GRM7: variants seen among roughly 807,000 people sequenced by gnomAD.
GRM7 encodes the protein glutamate metabotropic receptor 7, also known as metabotropic glutamate receptor 7.
A neutral mutation model predicts 84.5 loss-of-function variants in GRM7; 35 were observed. That is an observed-to-expected ratio of 0.41 (90% CI 0.32 to 0.55). GRM7 has a LOEUF of 0.55. Ranked by LOEUF, GRM7 falls within the 20% of genes least tolerant of loss-of-function variation. The probability of loss-of-function intolerance (pLI) is 0.19; values close to 1 mark genes in which losing one functional copy is unlikely to be tolerated. For synonymous variants in GRM7, 487 were observed against 455.1 expected, an observed-to-expected ratio of 1.07 and a Z score of -0.89; for missense variants, 1,003 against 1,194.6, an observed-to-expected ratio of 0.84 and a Z score of 2.36.
chr3:7,722,195 A>G (rs1701974795), intron 9 of GRM7, among the ~76,000 whole-genome samples: 1 of 152,214 alleles, frequency 6.6e-6, no homozygotes, highest in Non-Finnish European at 1.5e-5. Context: ...TATCAGTGTT[A>G]TATGTGTGTG....
rs143271521 is a variant in GRM7, at chr3:7,617,723, A to G, written c.2451+38366A>G. On this transcript the variant is annotated intron_variant, in intron 8 of 9. Transcript: ENST00000357716. The stretch of plus-strand genomic sequence containing the variant: ...AGCCTTATGAATAAAACAACAGCGC[A>G]AGTATCAAGACATTTAATATCTTAC... Among the ~76,000 whole-genome samples the G allele has an allele frequency of 1.2e-3, 180 of 152,270 alleles. 1 individual carries two copies. Among genetic ancestry groups the G allele is most frequent in the African/African-American group, 4.2e-3 (175 of 41,548 alleles).
intron 4 of GRM7, among the ~76,000 whole-genome samples, chr3:7,315,561 C>A (rs1380789583): frequency 6.6e-6 from 1 of 152,168 alleles, no homozygotes; most frequent in Non-Finnish European, 1.5e-5. Context: ...GTCCATCCTT[C>A]AGGTAGCCCC....
At chr3:7,313,515 T>G (rs1294646207) in intron 4 of GRM7, among the ~76,000 whole-genome samples, 1 of 152,186 alleles carries the variant, frequency 6.6e-6, no homozygotes, top group African/African-American at 2.4e-5. Flanking sequence ...AATACCTTTC[T>G]TATTCACCTC....
chr3:7,724,369 G>A (rs544601766), intron 9 of GRM7, among the ~76,000 whole-genome samples: 1 of 152,240 alleles, frequency 6.6e-6, no homozygotes, highest in East Asian at 1.9e-4. Context: ...CCTAATTCAG[G>A]CATGGAATTC....
At chr3:7,478,309 C>T (rs183077611) in intron 7 of GRM7, among the ~76,000 whole-genome samples, 9 of 152,194 alleles carry the variant, frequency 5.9e-5, no homozygotes, top group East Asian at 1.9e-4. Flanking sequence ...TCCCACTGAG[C>T]GCTGGGCTCT....
intron 4 of GRM7, among the ~76,000 whole-genome samples, chr3:7,394,156 A>G (rs1397742935): frequency 6.6e-6 from 1 of 152,188 alleles, no homozygotes; most frequent in Non-Finnish European, 1.5e-5. Flanking sequence ...GAACCCAGAT[A>G]TGTCTGATTC....
At chr3:7,494,626 G>T (rs1390683078) in intron 7 of GRM7, among the ~76,000 whole-genome samples, 1 of 152,056 alleles carries the variant, frequency 6.6e-6, no homozygotes, top group Non-Finnish European at 1.5e-5. Context: ...GGTGACTGAA[G>T]CTCTCTTCGT....
intron 2 of GRM7, among the ~76,000 whole-genome samples, chr3:7,258,749 C>G (rs1575091002): frequency 6.6e-6 from 1 of 152,306 alleles, no homozygotes; most frequent in East Asian, 1.9e-4. Flanking sequence ...TCCATCATCT[C>G]CTTCTGATTT....
At chr3:7,029,194 C>T (rs1231332114) in intron 1 of GRM7, among the ~76,000 whole-genome samples, 1 of 151,262 alleles carries the variant, frequency 6.6e-6, no homozygotes, top group East Asian at 2.0e-4. Context: ...ATCGTAGCTA[C>T]TTGGGAGGCT....
rs1056722872 is a variant in GRM7, at chr3:7,456,699, T to C, written c.1375+3892T>C. On this transcript the variant is annotated intron_variant, in intron 6 of 9. Coordinates refer to ENST00000357716, the MANE Select transcript of GRM7 (RefSeq NM_000844.4). ...AAGGGCTAATTTTCTCTCTCTCTTT[T>C]TTTTTTTGTCATCATTGTAATCACA... Among the ~76,000 whole-genome samples the C allele has an allele frequency of 2.0e-5, 3 of 151,926 alleles. No individual in the cohort carries two copies. The South Asian group carries it at 6.2e-4, about 32-fold the overall frequency.
At chr3:7,437,625 A>G (rs888078936) in intron 5 of GRM7, among the ~76,000 whole-genome samples, 1 of 152,098 alleles carries the variant, frequency 6.6e-6, no homozygotes, top group Admixed American at 6.6e-5. Flanking sequence ...CTAAAATTGC[A>G]TCTTGCCTGG....
At chr3:7,372,449 T>G (rs1321200138) in intron 4 of GRM7, among the ~76,000 whole-genome samples, 1 of 152,078 alleles carries the variant, frequency 6.6e-6, no homozygotes. Flanking sequence ...AGAACCAGAA[T>G]TGTAGAGGGC....
chr3:7,073,102 T>C (rs1354740895), intron 1 of GRM7, among the ~76,000 whole-genome samples: 1 of 152,120 alleles, frequency 6.6e-6, no homozygotes, highest in Non-Finnish European at 1.5e-5. Flanking sequence ...CTTTTTATTT[T>C]TTATGTTTCA....
intron 2 of GRM7, among the ~76,000 whole-genome samples, chr3:7,259,018 A>G (rs1698310544): frequency 6.6e-6 from 1 of 152,218 alleles, no homozygotes; most frequent in Non-Finnish European, 1.5e-5. Flanking sequence ...AAATTAATGC[A>G]CTGGCATTGG....
intron 2 of GRM7, among the ~76,000 whole-genome samples, chr3:7,158,157 T>A (rs1694513770): frequency 6.6e-6 from 1 of 152,134 alleles, no homozygotes; most frequent in Admixed American, 6.6e-5. Flanking sequence ...TATGAATAGG[T>A]AAGAGAATGC....
intron 1 of GRM7, among the ~76,000 whole-genome samples, chr3:6,868,510 C>T (rs1042027828): frequency 3.3e-5 from 5 of 152,090 alleles, no homozygotes; most frequent in African/African-American, 1.2e-4. Flanking sequence ...ACAAGTAGCC[C>T]CGTATGCAGG....
chr3:7,227,941 C>T (rs1697036319), intron 2 of GRM7, among the ~76,000 whole-genome samples: 1 of 152,162 alleles, frequency 6.6e-6, no homozygotes, highest in African/African-American at 2.4e-5. Context: ...AGAATTAGGT[C>T]TCTTCCATTG....
At chr3:7,451,508 A>T (rs182979489) in intron 5 of GRM7, among the ~76,000 whole-genome samples, 1 of 152,176 alleles carries the variant, frequency 6.6e-6, no homozygotes. Context: ...TAACAGCAAC[A>T]ATAGTCACAC....
chr3:6,948,044 T>C (rs1394952831), intron 1 of GRM7, among the ~76,000 whole-genome samples: 1 of 152,164 alleles, frequency 6.6e-6, no homozygotes, highest in Non-Finnish European at 1.5e-5. Flanking sequence ...GTTTATTGTG[T>C]CTCTATTTCC....
Sources: gnomAD v4.1 joint callset for allele counts (sites outside exome capture counted in the v4.1 genomes callset) on GRCh38, gnomAD v4.1.1 for gene constraint, MANE v1.5 for transcripts, NCBI Gene and HGNC (gene_info 2026-07-23, HGNC 2026-07-21) for gene names.